The following RHOBTB3 variants were observed in gnomAD, a reference collection of about 807,000 sequenced individuals.
The protein encoded by RHOBTB3 is rho-related BTB domain-containing protein 3.
A neutral mutation model predicts 67.2 loss-of-function variants in RHOBTB3; 47 were observed. That is an observed-to-expected ratio of 0.70 (90% CI 0.55 to 0.89). RHOBTB3 has a LOEUF of 0.89. Among genes scored for constraint, RHOBTB3 ranks in the 40% least tolerant of loss-of-function variants. The pLI is 0.00. For synonymous variants in RHOBTB3, 273 were observed against 274.2 expected, an observed-to-expected ratio of 1.00 and a Z score of 0.04; for missense variants, 631 against 750.0, an observed-to-expected ratio of 0.84 and a Z score of 1.85.
intron 6 of RHOBTB3, among the ~76,000 whole-genome samples, chr5:95,759,740 C>T (rs928816979): frequency 3.9e-5 from 6 of 152,200 alleles, no homozygotes; most frequent in Admixed American, 3.3e-4. Context: ...AGTGTTAAGG[C>T]ACAGTTATGC....
intron 1 of RHOBTB3, among the ~76,000 whole-genome samples, chr5:95,721,775 A>G (rs1754889636): frequency 6.6e-6 from 1 of 151,948 alleles, no homozygotes; most frequent in African/African-American, 2.4e-5. Context: ...AATCAGCAGG[A>G]AAAAAACAGA....
At chr5:95,790,237 A>T (rs1187145262) in intron 11 of RHOBTB3, among the ~76,000 whole-genome samples, 1 of 152,232 alleles carries the variant, frequency 6.6e-6, no homozygotes, top group African/African-American at 2.4e-5. Context: ...GTTCATAAAG[A>T]TAAGGCTTGT....
At chr5:95,787,197 G>A (rs1172969611) in intron 10 of RHOBTB3, among the ~76,000 whole-genome samples, 1 of 152,028 alleles carries the variant, frequency 6.6e-6, no homozygotes, top group Non-Finnish European at 1.5e-5. Context: ...TAACCTCCTG[G>A]TGTTTTGTTA....
intron 11 of RHOBTB3, chr5:95,789,126 A>G (rs939689771): frequency 3.1e-6 from 1 of 323,966 alleles, no homozygotes; most frequent in Non-Finnish European, 5.6e-6. Flanking sequence ...CCTGAAATAG[A>G]TAAGGTGACA....
At position 95,755,503 on chromosome 5, in the gene RHOBTB3, A is replaced by T; in HGVS notation, c.790A>T (p.Lys264Ter). ...VDVVFYNPNL[K>*]KVVEAHKIVL... ...CGTGGTATTTTACAACCCCAATTTA[A>T]AGAAAGTTGTAGAGGCCCACAAGAT... is the stretch of plus-strand genomic sequence containing the variant. Residue 264 changes from lysine to a stop codon, truncating the protein, a stop_gained, in exon 6 of 12, where the codon AAG (lysine) becomes TAG (stop). Coordinates refer to ENST00000379982, the MANE Select transcript of RHOBTB3 (RefSeq NM_014899.4). LOFTEE classifies it high-confidence loss of function. The T allele has an allele frequency of 6.2e-7, 1 of 1,614,132 alleles. No homozygotes were observed.
chr5:95,729,786 G>C (rs1454915846), upstream of RHOBTB3, among the ~76,000 whole-genome samples: 1 of 152,092 alleles, frequency 6.6e-6, no homozygotes, highest in Admixed American at 6.5e-5. Context: ...ATTTGCAACT[G>C]GCTGATTCCA....
chr5:95,738,862 CTT>C (rs1349890058), intron 3 of RHOBTB3, among the ~76,000 whole-genome samples: 1 of 152,082 alleles, frequency 6.6e-6, no homozygotes, highest in Non-Finnish European at 1.5e-5. Context: ...ATACTTATCT[CTT>C]GTTGAAATTA....
At chr5:95,754,167 AC>A (rs1745176221) in intron 5 of RHOBTB3, among the ~76,000 whole-genome samples, 1 of 152,226 alleles carries the variant, frequency 6.6e-6, no homozygotes, top group African/African-American at 2.4e-5. Flanking sequence ...GATATAGTGG[AC>A]AGGGCTTTCA....
chr5:95,783,595 G>T, intron 9 of RHOBTB3: 7 of 237,726 alleles, frequency 2.9e-5, no homozygotes, highest in East Asian at 8.3e-5. Flanking sequence ...AGAAGAAGAA[G>T]AAAGGAAAGA....
At chr5:95,790,231 A>G (rs758450887) in intron 11 of RHOBTB3, among the ~76,000 whole-genome samples, 1 of 152,244 alleles carries the variant, frequency 6.6e-6, no homozygotes, top group South Asian at 2.1e-4. Flanking sequence ...CAGTCAGTTC[A>G]TAAAGATAAG....
chr5:95,737,827 G>C (rs998961869), intron 3 of RHOBTB3, among the ~76,000 whole-genome samples: 1 of 152,168 alleles, frequency 6.6e-6, no homozygotes, highest in Non-Finnish European at 1.5e-5. Flanking sequence ...CATACATCAA[G>C]GTATAGAACA....
At chr5:95,718,684 T>C (rs142166146) in intron 1 of RHOBTB3, among the ~76,000 whole-genome samples, 4 of 152,266 alleles carry the variant, frequency 2.6e-5, no homozygotes, top group Admixed American at 1.3e-4. Flanking sequence ...AACCCAGATA[T>C]GGGAATCGAA....
intron 1 of RHOBTB3, chr5:95,719,591 T>G (rs1226834347): frequency 6.6e-6 from 1 of 152,242 alleles, no homozygotes; most frequent in Non-Finnish European, 1.5e-5. Context: ...CTACTTGATA[T>G]GAGAATCTAA....
chr5:95,776,961 C>G (rs1433590974), intron 8 of RHOBTB3, among the ~76,000 whole-genome samples: 1 of 152,096 alleles, frequency 6.6e-6, no homozygotes, highest in Non-Finnish European at 1.5e-5. Flanking sequence ...GTGTCCCAGG[C>G]CTTCCCCCAA....
chr5:95,736,838 A>T lies in RHOBTB3; in HGVS notation c.229-51A>T, dbSNP rs745368370. ...AATTAATGTCATAAATTATTTCAGGATTGATTGGACGATAAGTAGACTAAA... is the reference window on the plus strand; with the variant it reads ...AATTAATGTCATAAATTATTTCAGGTTTGATTGGACGATAAGTAGACTAAA... On this transcript the variant is annotated intron_variant, in intron 2 of 11. Transcript: ENST00000379982. 10 of 1,195,330 alleles carry T rather than the reference A, an allele frequency of 8.4e-6. No homozygotes were observed. The South Asian group carries it at 1.1e-4, about 13-fold the overall frequency. 74.0% of individuals were successfully genotyped at this position (1,195,330 alleles called of 1,614,324 possible). A position where few individuals can be genotyped will look rare whatever the true frequency, so the allele number is the denominator to read the frequency against.
At chr5:95,792,388 GAA>G (rs752562205) in intron 11 of RHOBTB3, among the ~76,000 whole-genome samples, 1 of 83,706 alleles carries the variant, frequency 1.2e-5, no homozygotes, top group Admixed American at 1.4e-4. Context: ...CTCCGTCTCA[GAA>G]AAAAAAAAAA....
At chr5:95,788,700 T>G in intron 10 of RHOBTB3, 62 bp from the exon 11 acceptor site, 3 of 1,128,080 alleles carry the variant, frequency 2.7e-6, no homozygotes, top group Non-Finnish European at 3.9e-6. Context: ...GCCGTTCTCT[T>G]GATCTTATCA....
At chr5:95,719,054 A>G (rs1229600272) in intron 1 of RHOBTB3, among the ~76,000 whole-genome samples, 4 of 152,288 alleles carry the variant, frequency 2.6e-5, no homozygotes, top group Middle Eastern at 6.8e-3. Context: ...CATCATGGAA[A>G]AAGGGGCTGA....
At chr5:95,732,553 G>A in intron 2 of RHOBTB3, 1 of 199,326 alleles carries the variant, frequency 5.0e-6, no homozygotes, top group Non-Finnish European at 1.0e-5. Flanking sequence ...GAAAGCGGAG[G>A]AAAAGACAGG....
Sources: allele counts gnomAD v4.1 joint callset (sites outside exome capture counted in the v4.1 genomes callset), GRCh38; gene constraint gnomAD v4.1.1; transcripts MANE v1.5; gene names NCBI Gene and HGNC (gene_info 2026-07-23, HGNC 2026-07-21).